The following ATP8A2 variants were observed in gnomAD, a reference collection of about 807,000 sequenced individuals.
ATP8A2 encodes ATPase phospholipid transporting 8A2, also known as phospholipid-transporting ATPase IB.
Under a neutral mutation model 165.6 loss-of-function variants are expected in ATP8A2, and 100 were observed. The ratio of observed to expected loss-of-function variants is 0.60; its 90% CI spans 0.51 to 0.71. ATP8A2 has a LOEUF of 0.71. Among genes scored for constraint, ATP8A2 ranks in the 30% least tolerant of loss-of-function variants. ATP8A2 has a pLI of 0.00. For missense variants in ATP8A2, 1,227 were observed against 1,479.5 expected, an observed-to-expected ratio of 0.83 and a Z score of 2.80; for synonymous variants, 543 against 548.8, an observed-to-expected ratio of 0.99 and a Z score of 0.15.
intron 1 of ATP8A2, among the ~76,000 whole-genome samples, chr13:25,378,725 C>A (rs557497896): frequency 1.9e-3 from 294 of 152,292 alleles, no homozygotes; most frequent in African/African-American, 6.3e-3. Flanking sequence ...CACTAGCCTG[C>A]ATAACTGACA....
At chr13:25,590,809 C>G (rs546373266) in intron 24 of ATP8A2, among the ~76,000 whole-genome samples, 1 of 152,244 alleles carries the variant, frequency 6.6e-6, no homozygotes, top group African/African-American at 2.4e-5. Flanking sequence ...TAACTCCTAT[C>G]GTGAACACCA....
chr13:25,956,161 T>C (rs993012553), intron 33 of ATP8A2, among the ~76,000 whole-genome samples: 2 of 152,172 alleles, frequency 1.3e-5, no homozygotes, highest in African/African-American at 4.8e-5. Context: ...ACAGCCAATA[T>C]CATACTGAAT....
In ATP8A2 at chr13:25,876,293, C is replaced by T. The variant is rs368013753; in HGVS notation, c.3183+13885C>T. Among the ~76,000 whole-genome samples the T allele has an allele frequency of 3.9e-5, 6 of 152,072 alleles. No homozygotes were observed. In the East Asian group the frequency reaches 7.7e-4, roughly 20 times the overall value. Reference sequence around the variant, plus strand: ...TTCAGTGGCAAGTAAAGCTGTATTACAAGAGAAGAAAAGTTTAGGATTTGG... The same window carrying T: ...TTCAGTGGCAAGTAAAGCTGTATTATAAGAGAAGAAAAGTTTAGGATTTGG... On this transcript the variant is annotated intron_variant, in intron 33 of 36. Transcript: ENST00000381655.
chr13:25,741,562 T>A (rs1462561149), intron 25 of ATP8A2, among the ~76,000 whole-genome samples: 1 of 151,860 alleles, frequency 6.6e-6, no homozygotes, highest in African/African-American at 2.4e-5. Context: ...TTAATTTTTT[T>A]TTTTTTGTAG....
chr13:25,681,864 T>G (rs996757510), intron 24 of ATP8A2, among the ~76,000 whole-genome samples: 1 of 151,874 alleles, frequency 6.6e-6, no homozygotes, highest in African/African-American at 2.4e-5. Flanking sequence ...TATCTGTCCT[T>G]GAAAATAGTT....
At chr13:25,845,758 T>C (rs901454595) in intron 30 of ATP8A2, among the ~76,000 whole-genome samples, 6 of 152,234 alleles carry the variant, frequency 3.9e-5, no homozygotes, top group African/African-American at 4.8e-5. Flanking sequence ...AAAACTTGAG[T>C]GTTTCATACC....
chr13:26,010,872 A>AT (rs1956830252), intron 35 of ATP8A2, among the ~76,000 whole-genome samples: 1 of 152,222 alleles, frequency 6.6e-6, no homozygotes, highest in South Asian at 2.1e-4. Flanking sequence ...TTGGGAATGA[A>AT]TTAAACATTG....
intron 27 of ATP8A2, among the ~76,000 whole-genome samples, chr13:25,775,571 T>G (rs1168958281): frequency 6.6e-6 from 1 of 152,176 alleles, no homozygotes; most frequent in Non-Finnish European, 1.5e-5. Flanking sequence ...AGATGCTGAT[T>G]CAGTTACCAG....
chr13:25,500,640 C>T (rs1056327339), intron 2 of ATP8A2, among the ~76,000 whole-genome samples: 22 of 152,088 alleles, frequency 1.4e-4, no homozygotes, highest in African/African-American at 4.6e-4. Flanking sequence ...GTCTGGAGTG[C>T]AGTGGTGCGA....
intron 25 of ATP8A2, among the ~76,000 whole-genome samples, chr13:25,765,071 ATAATGT>A (rs2044463063): frequency 6.6e-6 from 1 of 152,234 alleles, no homozygotes; most frequent in African/African-American, 2.4e-5. Flanking sequence ...TATATTTGAA[ATAATGT>A]TAGAGAGCTA....
intron 2 of ATP8A2, among the ~76,000 whole-genome samples, chr13:25,490,960 G>A (rs1394765411): frequency 6.6e-6 from 1 of 151,810 alleles, no homozygotes; most frequent in East Asian, 1.9e-4. Context: ...GCCCAGGCTG[G>A]TCTCAAACTC....
In ATP8A2 at chr13:25,579,719, T is replaced by G. The variant is rs960200184; in HGVS notation, c.1868-89T>G. Reference sequence around the variant, plus strand: ...AAGCACAGAGTCTCTTCAATTTTTTTGGGCATGCTGATGGAAAAGGGAGCA... The same window carrying G: ...AAGCACAGAGTCTCTTCAATTTTTTGGGGCATGCTGATGGAAAAGGGAGCA... On this transcript the variant is annotated intron_variant, in intron 21 of 36. Coordinates refer to ENST00000381655, the MANE Select transcript of ATP8A2 (RefSeq NM_016529.6). 4.1e-5 allele frequency: 61 copies of G among 1,476,802 alleles called. 2 individuals are homozygous for G. In the Admixed American group the frequency reaches 5.9e-4, roughly 14 times the overall value. The allele number at this position is 1,476,802 out of a possible 1,614,324, so 91.5% of individuals were successfully genotyped here.
chr13:25,451,257 G>A (rs1333793349), intron 1 of ATP8A2, among the ~76,000 whole-genome samples: 1 of 152,050 alleles, frequency 6.6e-6, no homozygotes, highest in African/African-American at 2.4e-5. Context: ...TTCATTTCAG[G>A]TGTTCTAGTT....
intron 27 of ATP8A2, among the ~76,000 whole-genome samples, chr13:25,824,997 T>C (rs1951277691): frequency 6.6e-6 from 1 of 151,936 alleles, no homozygotes; most frequent in South Asian, 2.1e-4. Context: ...CTTTGAAAAC[T>C]TTTTTTACTT....
At chr13:25,818,461 CGCTGCA>C (rs1951082873) in intron 27 of ATP8A2, among the ~76,000 whole-genome samples, 1 of 152,138 alleles carries the variant, frequency 6.6e-6, no homozygotes, top group Non-Finnish European at 1.5e-5. Flanking sequence ...GACTGCTAGT[CGCTGCA>C]GTCTACTAAA....
chr13:26,014,663 G>C (rs1956926810), intron 36 of ATP8A2, among the ~76,000 whole-genome samples: 1 of 152,070 alleles, frequency 6.6e-6, no homozygotes, highest in South Asian at 2.1e-4. Context: ...AAACAAAACT[G>C]TCTATGGGAC....
intron 24 of ATP8A2, among the ~76,000 whole-genome samples, chr13:25,633,310 C>T (rs1019301625): frequency 3.3e-5 from 5 of 152,176 alleles, no homozygotes; most frequent in African/African-American, 1.2e-4. Context: ...ATGCAGTGCT[C>T]GGCAGTCTGC....
At chr13:25,817,158 C>G (rs1202930199) in intron 27 of ATP8A2, among the ~76,000 whole-genome samples, 1 of 152,144 alleles carries the variant, frequency 6.6e-6, no homozygotes, top group East Asian at 1.9e-4. Flanking sequence ...CCTTACTGGT[C>G]TCAAGAGCTA....
chr13:25,699,271 G>A lies in ATP8A2; in HGVS notation c.2310G>A (p.Lys770=). ...VALIIDGHTL[K]YALSFEVRRS... ...TGATCATCGATGGCCACACCCTGAA[G>A]TACGCGCTCTCCTTCGAAGTCCGGA... The change falls in exon 25 of 37, where the codon AAG becomes AAA. Residue 770 remains lysine, a synonymous_variant. Coordinates refer to ENST00000381655, the MANE Select transcript of ATP8A2 (RefSeq NM_016529.6). 1 of 1,613,880 alleles carries A rather than the reference G, an allele frequency of 6.2e-7. No homozygotes were observed.
Sources: allele counts gnomAD v4.1 joint callset (sites outside exome capture counted in the v4.1 genomes callset), GRCh38; gene constraint gnomAD v4.1.1; transcripts MANE v1.5; gene names NCBI Gene and HGNC (gene_info 2026-07-23, HGNC 2026-07-21).